C17orf67: variants seen among roughly 807,000 people sequenced by gnomAD.
C17orf67 encodes chromosome 17 open reading frame 67.
Under a neutral mutation model 11.2 loss-of-function variants are expected in C17orf67, and 12 were observed. The ratio of observed to expected loss-of-function variants is 1.07; its 90% confidence interval spans 0.68 to 1.73. The LOEUF is 1.73. Among genes scored for constraint, C17orf67 ranks in the 40% most tolerant of loss-of-function variants. The pLI, the probability that C17orf67 is intolerant of heterozygous loss-of-function variation, is 0.00. For missense variants in C17orf67, 115 were observed against 113.5 expected, an observed-to-expected ratio of 1.01 and a Z score of -0.06; for synonymous variants, 59 against 46.9, an observed-to-expected ratio of 1.26 and a Z score of -1.05.
At chr17:56,822,077 C>A (rs1033510610) in intron 4 of C17orf67, among the ~76,000 whole-genome samples, 1 of 152,236 alleles carries the variant, frequency 6.6e-6, no homozygotes, top group Non-Finnish European at 1.5e-5. Context: ...CGGTCTATTT[C>A]AGCTGACTTC....
Position 56,833,196 on chromosome 17 carries a change from T to TCGGGGGTGCTGAG in C17orf67, c.-868_-856dup, listed in dbSNP as rs1280049897. ...GTGCCTCTCTGGATTCCGTGTTTCTTCGGGGGTGCTGAGCAGCGGTGCTTC... is the reference window on the plus strand; with the variant it reads ...GTGCCTCTCTGGATTCCGTGTTTCTTCGGGGGTGCTGAGCGGGGGTGCTGAGCAGCGGTGCTTC... On this transcript the variant is annotated 5_prime_UTR_variant, in exon 2 of 8. Transcript: ENST00000397861. 3.9e-5 allele frequency: 6 copies of TCGGGGGTGCTGAG among 153,298 alleles called. No individual in the cohort carries two copies. Among genetic ancestry groups the TCGGGGGTGCTGAG allele is most frequent in the Admixed American group, 3.3e-4 (5 of 15,292 alleles). 9.5% of individuals were successfully genotyped at this position (153,298 alleles called of 1,614,324 possible).
chr17:56,811,330 A>T (rs930875556), intron 6 of C17orf67, among the ~76,000 whole-genome samples: 6 of 152,192 alleles, frequency 3.9e-5, no homozygotes, highest in African/African-American at 1.4e-4. Flanking sequence ...TATGGACTGG[A>T]AATGCACTGG....
intron 2 of C17orf67, 57 bp downstream of exon 2, chr17:56,832,841 T>C (rs950502990): frequency 6.6e-6 from 1 of 152,246 alleles, no homozygotes; most frequent in Non-Finnish European, 1.5e-5. Context: ...AATACAAATA[T>C]ACGCACATAC....
chr17:56,795,178 T>G lies in C17orf67; in HGVS notation c.159A>C (p.Glu53Asp). 1.2e-6 allele frequency: 2 copies of G among 1,613,986 alleles called. No homozygotes were observed. The highest frequency in any genetic ancestry group is 2.2e-5 in the East Asian group (1 of 44,884). Residue 53 changes from glutamate (E) to aspartate (D), a missense_variant and splice_region_variant, in exon 7 of 8, where the codon GAA becomes GAC. Glu to Asp is a conservative substitution (Grantham distance 45). Coordinates refer to ENST00000397861, the MANE Select transcript of C17orf67 (RefSeq NM_001085430.4). ...KPGFPDEPMREYMHHLLALEH... is the reference protein window; with the variant it reads ...KPGFPDEPMRDYMHHLLALEH... ...CCAGGGCGAGCAGGTGGTGCATGTA[T>G]TCCTGTCAAAACAAACCACACTGAA...
At chr17:56,820,409 C>G (rs1240762533) in intron 4 of C17orf67, among the ~76,000 whole-genome samples, 2 of 152,172 alleles carry the variant, frequency 1.3e-5, no homozygotes. Flanking sequence ...GGAGAAGACA[C>G]CATTCCATCG....
intron 2 of C17orf67, among the ~76,000 whole-genome samples, chr17:56,832,090 G>A (rs1337405322): frequency 1.3e-5 from 2 of 152,140 alleles, no homozygotes; most frequent in Non-Finnish European, 2.9e-5. Context: ...GGGACTACAG[G>A]CACTCACCAC....
At chr17:56,829,870 T>C (rs866927299) in intron 2 of C17orf67, among the ~76,000 whole-genome samples, 1 of 152,238 alleles carries the variant, frequency 6.6e-6, no homozygotes, top group Non-Finnish European at 1.5e-5. Context: ...ATATTATTTA[T>C]GTATTAATCT....
chr17:56,807,280 G>A (rs1242653304), intron 6 of C17orf67, among the ~76,000 whole-genome samples: 2 of 152,200 alleles, frequency 1.3e-5, no homozygotes, highest in Non-Finnish European at 2.9e-5. Context: ...TGAGCAGAGT[G>A]CCCAGAAGGA....
intron 6 of C17orf67, among the ~76,000 whole-genome samples, chr17:56,812,827 G>A (rs561695891): frequency 7.0e-4 from 106 of 152,252 alleles, no homozygotes; most frequent in African/African-American, 2.3e-3. Context: ...CAGAGGAGAA[G>A]CTTTCAGAAG....
At chr17:56,806,254 G>A (rs1056720007) in intron 6 of C17orf67, among the ~76,000 whole-genome samples, 1 of 152,086 alleles carries the variant, frequency 6.6e-6, no homozygotes, top group East Asian at 1.9e-4. Context: ...GATTGCAGGC[G>A]TGAGCCACCG....
At chr17:56,813,446 G>A (rs910261857) in intron 6 of C17orf67, among the ~76,000 whole-genome samples, 4 of 151,236 alleles carry the variant, frequency 2.6e-5, no homozygotes, top group Non-Finnish European at 5.9e-5. Flanking sequence ...TCAATCATGG[G>A]CCCCTTCTCT....
Position 56,815,859 on chromosome 17 carries a change from G to A in C17orf67, c.-49C>T, listed in dbSNP as rs1195978481. The A allele has an allele frequency of 1.2e-6, 2 of 1,612,362 alleles. No individual in the cohort carries two copies. Among genetic ancestry groups the A allele is most frequent in the Non-Finnish European group, 1.7e-6 (2 of 1,179,048 alleles). Reference sequence around the variant, plus strand: ...TGCTGAGTGAATCCTCCCAGACTGAGTCAGCCAACTTGAAGGAAGCCATGC... The same window carrying A: ...TGCTGAGTGAATCCTCCCAGACTGAATCAGCCAACTTGAAGGAAGCCATGC... On this transcript the variant is annotated 5_prime_UTR_variant, in exon 5 of 8. Transcript: ENST00000397861.
intron 6 of C17orf67, among the ~76,000 whole-genome samples, chr17:56,813,486 C>A (rs1339271953): frequency 6.6e-6 from 1 of 151,902 alleles, no homozygotes; most frequent in Non-Finnish European, 1.5e-5. Flanking sequence ...ACACCCAGAT[C>A]TGTACTCCCC....
intron 6 of C17orf67, among the ~76,000 whole-genome samples, chr17:56,805,355 T>C (rs897467517): frequency 6.6e-6 from 1 of 152,150 alleles, no homozygotes; most frequent in Non-Finnish European, 1.5e-5. Flanking sequence ...TTTCTACTCA[T>C]GGATTTCCAC....
intron 7 of C17orf67, among the ~76,000 whole-genome samples, chr17:56,793,798 G>A (rs919871026): frequency 6.6e-6 from 1 of 152,210 alleles, no homozygotes; most frequent in African/African-American, 2.4e-5. Flanking sequence ...TTGGTGCAGG[G>A]GAGGCCAGCA....
chr17:56,793,013 G>A (rs1336127592), intron 7 of C17orf67, among the ~76,000 whole-genome samples: 5 of 150,758 alleles, frequency 3.3e-5, no homozygotes, highest in African/African-American at 1.2e-4. Flanking sequence ...TTGTGATGAT[G>A]ATGATGAAGA....
At chr17:56,796,469 G>A (rs770211178) in intron 6 of C17orf67, among the ~76,000 whole-genome samples, 10 of 152,130 alleles carry the variant, frequency 6.6e-5, no homozygotes, top group African/African-American at 1.7e-4. Flanking sequence ...AGGACCACAC[G>A]GTGTATGATT....
chr17:56,815,716 G>A, intron 5 of C17orf67, 40 bp downstream of exon 5: 1 of 1,545,072 alleles, frequency 6.5e-7, no homozygotes, highest in African/African-American at 1.3e-5. Flanking sequence ...TATTTATCAT[G>A]TCAGCATAGA....
chr17:56,797,709 G>T (rs1272828881), intron 6 of C17orf67, among the ~76,000 whole-genome samples: 1 of 152,144 alleles, frequency 6.6e-6, no homozygotes, highest in African/African-American at 2.4e-5. Context: ...TCCTTTGCAT[G>T]AAATTTTTGT....
Sources: allele counts gnomAD v4.1 joint callset (sites outside exome capture counted in the v4.1 genomes callset), GRCh38; gene constraint gnomAD v4.1.1; transcripts MANE v1.5; gene names NCBI Gene and HGNC (gene_info 2026-07-23, HGNC 2026-07-21).